SGCD: variants seen among roughly 807,000 people sequenced by gnomAD.
SGCD encodes the protein sarcoglycan delta.
A neutral mutation model predicts 36.6 loss-of-function variants in SGCD; 18 were observed. The observed-to-expected ratio is 0.49, with a 90% CI of 0.34 to 0.73. SGCD has a LOEUF of 0.73. Ranked by LOEUF, SGCD falls within the 30% of genes least tolerant of loss-of-function variation. The pLI, the probability that SGCD is intolerant of heterozygous loss-of-function variation, is 0.01. For missense variants in SGCD, 387 were observed against 346.7 expected, an observed-to-expected ratio of 1.12 and a Z score of -0.92; for synonymous variants, 133 against 130.6, an observed-to-expected ratio of 1.02 and a Z score of -0.12.
chr5:156,145,598 G>C (rs1762691027), intron 3 of SGCD, among the ~76,000 whole-genome samples: 1 of 152,176 alleles, frequency 6.6e-6, no homozygotes, highest in African/African-American at 2.4e-5. Context: ...AAGAAACAGT[G>C]ACACTAATGA....
chr5:156,558,066 G>T (rs1045556104), intron 4 of SGCD, among the ~76,000 whole-genome samples: 17 of 133,328 alleles, frequency 1.3e-4, no homozygotes, highest in African/African-American at 4.6e-4. Flanking sequence ...TTAATAGACT[G>T]AGTGTGTTAT....
intron 4 of SGCD, among the ~76,000 whole-genome samples, chr5:156,588,071 G>A (rs1490777554): frequency 6.6e-6 from 1 of 151,774 alleles, no homozygotes; most frequent in African/African-American, 2.4e-5. Flanking sequence ...CAAAAGCCAG[G>A]AATGGCTACC....
intron 3 of SGCD, among the ~76,000 whole-genome samples, chr5:156,192,429 A>G (rs935695444): frequency 1.3e-5 from 2 of 152,114 alleles, no homozygotes; most frequent in African/African-American, 4.8e-5. Context: ...AGTTGATCTC[A>G]TGGTGATAGA....
chr5:156,033,380 C>T (rs1295406851), intron 1 of SGCD, among the ~76,000 whole-genome samples: 1 of 152,114 alleles, frequency 6.6e-6, no homozygotes, highest in Non-Finnish European at 1.5e-5. Flanking sequence ...TTAACCCTCA[C>T]CCTCCTCCCA....
chr5:155,930,269 G>T (rs1030852082), intron 1 of SGCD, among the ~76,000 whole-genome samples: 1 of 152,156 alleles, frequency 6.6e-6, no homozygotes, highest in Admixed American at 6.5e-5. Context: ...GAAAAATGAT[G>T]ACAAATTATT....
chr5:156,306,099 G>A (rs1045133829), intron 3 of SGCD, among the ~76,000 whole-genome samples: 1 of 152,182 alleles, frequency 6.6e-6, no homozygotes, highest in African/African-American at 2.4e-5. Flanking sequence ...AAGACTTTAA[G>A]GGACTGTTGG....
chr5:156,471,129 GA>G (rs978362809), intron 3 of SGCD, among the ~76,000 whole-genome samples: 1 of 152,040 alleles, frequency 6.6e-6, no homozygotes, highest in Non-Finnish European at 1.5e-5. Context: ...ATGGAATGGA[GA>G]AGAGACTATT....
intron 3 of SGCD, among the ~76,000 whole-genome samples, chr5:156,472,693 G>T (rs765811871): frequency 6.8e-4 from 104 of 152,122 alleles, no homozygotes; most frequent in Non-Finnish European, 1.3e-3. Context: ...GCTTGGATGG[G>T]ATTACAGGAG....
intron 1 of SGCD, among the ~76,000 whole-genome samples, chr5:155,906,743 G>A (rs2113348331): frequency 6.6e-6 from 1 of 152,042 alleles, no homozygotes; most frequent in South Asian, 2.1e-4. Context: ...GAGGTTCAAG[G>A]AAAGAAGCCA....
chr5:156,406,137 T>A (rs1043647762), intron 3 of SGCD, among the ~76,000 whole-genome samples: 1 of 152,060 alleles, frequency 6.6e-6, no homozygotes, highest in Non-Finnish European at 1.5e-5. Context: ...CAGACCATGG[T>A]TGGCTTGTTA....
intron 3 of SGCD, among the ~76,000 whole-genome samples, chr5:156,320,704 T>C (rs1767634039): frequency 6.6e-6 from 1 of 152,242 alleles, no homozygotes; most frequent in Non-Finnish European, 1.5e-5. Flanking sequence ...ATGTATATAT[T>C]TGAATTTCCG....
At chr5:156,733,265 T>C (rs929355415) in intron 7 of SGCD, among the ~76,000 whole-genome samples, 3 of 152,194 alleles carry the variant, frequency 2.0e-5, no homozygotes, top group African/African-American at 7.2e-5. Context: ...CTTAATAATT[T>C]CAAAGAACTT....
intron 4 of SGCD, among the ~76,000 whole-genome samples, chr5:156,563,226 C>A (rs1257093253): frequency 6.6e-6 from 1 of 152,154 alleles, no homozygotes; most frequent in Non-Finnish European, 1.5e-5. Context: ...AGGTGATCCA[C>A]CCACCTCGGC....
intron 3 of SGCD, among the ~76,000 whole-genome samples, chr5:156,172,372 A>G (rs374487828): frequency 1.8e-4 from 28 of 152,344 alleles, no homozygotes; most frequent in Middle Eastern, 6.8e-3. Flanking sequence ...CTGCTCCTTC[A>G]TGTTACAGCA....
intron 3 of SGCD, among the ~76,000 whole-genome samples, chr5:156,236,878 G>A (rs1357389765): frequency 2.6e-5 from 4 of 151,104 alleles, no homozygotes; most frequent in Non-Finnish European, 5.9e-5. Context: ...CTGTTGCCTA[G>A]GATGGAGCAC....
intron 3 of SGCD, among the ~76,000 whole-genome samples, chr5:156,253,699 C>A (rs1373746449): frequency 6.6e-6 from 1 of 151,912 alleles, no homozygotes; most frequent in East Asian, 1.9e-4. Flanking sequence ...TCCTCAGGTG[C>A]CAGAAACTAA....
chr5:156,277,414 A>G (rs1766345827), intron 3 of SGCD, among the ~76,000 whole-genome samples: 1 of 152,228 alleles, frequency 6.6e-6, no homozygotes, highest in Non-Finnish European at 1.5e-5. Context: ...TAACAGGTAT[A>G]AAAATAGCCC....
intron 1 of SGCD, among the ~76,000 whole-genome samples, chr5:155,976,625 G>T (rs956838959): frequency 6.6e-6 from 1 of 152,302 alleles, no homozygotes; most frequent in East Asian, 1.9e-4. Flanking sequence ...CTGAGGCACA[G>T]GGAGAGCGTG....
chr5:156,179,754 G>C (rs1458367041), intron 3 of SGCD, among the ~76,000 whole-genome samples: 2 of 151,622 alleles, frequency 1.3e-5, no homozygotes, highest in Admixed American at 6.6e-5. Context: ...CTCCCCAGTA[G>C]TTGGAATTAC....
Sources: gnomAD v4.1 joint callset for allele counts (sites outside exome capture counted in the v4.1 genomes callset) on GRCh38, gnomAD v4.1.1 for gene constraint, MANE v1.5 for transcripts, NCBI Gene and HGNC (gene_info 2026-07-23, HGNC 2026-07-21) for gene names.